The following PDE4B variants were observed in gnomAD, a reference collection of about 807,000 sequenced individuals.
PDE4B encodes the protein 3',5'-cyclic-AMP phosphodiesterase 4B.
Under a neutral mutation model 82.2 loss-of-function variants are expected in PDE4B, and 20 were observed. That is an observed-to-expected ratio of 0.24 (90% confidence interval 0.17 to 0.35). PDE4B has a LOEUF of 0.35. Among genes scored for constraint, PDE4B ranks in the 10% least tolerant of loss-of-function variants. The pLI, the probability that PDE4B is intolerant of heterozygous loss-of-function variation, is 1.00. For missense variants in PDE4B, 655 were observed against 907.2 expected (o/e 0.72, Z 3.57); for synonymous variants, 320 against 318.9 (o/e 1.00, Z -0.04).
chr1:66,071,085 T>A (rs918020258), intron 3 of PDE4B, among the ~76,000 whole-genome samples: 1 of 152,094 alleles, frequency 6.6e-6, no homozygotes, highest in Non-Finnish European at 1.5e-5. Flanking sequence ...AAGTTTAAAT[T>A]ATTGCTTTTA....
intron 1 of PDE4B, among the ~76,000 whole-genome samples, chr1:65,869,616 G>C (rs929882091): frequency 6.6e-6 from 1 of 151,906 alleles, no homozygotes; most frequent in Non-Finnish European, 1.5e-5. Flanking sequence ...ATTCAGGAGG[G>C]TTAGAATTCC....
intron 3 of PDE4B, among the ~76,000 whole-genome samples, chr1:66,110,155 C>A (rs1318602699): frequency 6.6e-6 from 1 of 151,554 alleles, no homozygotes; most frequent in African/African-American, 2.4e-5. Flanking sequence ...TAAAGAGGAA[C>A]CTGATTTTAA....
intron 3 of PDE4B, among the ~76,000 whole-genome samples, chr1:66,010,785 A>G (rs1652439861): frequency 6.8e-6 from 1 of 146,418 alleles, no homozygotes; most frequent in South Asian, 2.2e-4. Flanking sequence ...TCCTTGCTTC[A>G]ACAATATTGC....
intron 3 of PDE4B, among the ~76,000 whole-genome samples, chr1:66,200,561 C>T (rs1391793098): frequency 2.0e-5 from 3 of 152,100 alleles, no homozygotes; most frequent in Non-Finnish European, 4.4e-5. Context: ...AGGTCCTTCA[C>T]GTCCCTTGTA....
chr1:66,320,631 T>A (rs1198876154), intron 7 of PDE4B, among the ~76,000 whole-genome samples: 1 of 152,196 alleles, frequency 6.6e-6, no homozygotes. Context: ...CATGTCTACA[T>A]TTCAACTAAT....
chr1:66,079,188 C>CTT (rs1050244609), intron 3 of PDE4B, among the ~76,000 whole-genome samples: 3 of 148,656 alleles, frequency 2.0e-5, no homozygotes, highest in African/African-American at 7.6e-5. Flanking sequence ...CTCTCTCTCT[C>CTT]TCTCTCTCTC....
chr1:65,810,110 A>G (rs1444320618), intron 1 of PDE4B, among the ~76,000 whole-genome samples: 7 of 152,266 alleles, frequency 4.6e-5, no homozygotes, highest in Non-Finnish European at 1.0e-4. Context: ...AAGGACAGGC[A>G]GTGTATAGCT....
At chr1:65,850,456 G>T (rs537260173) in intron 1 of PDE4B, among the ~76,000 whole-genome samples, 1 of 152,174 alleles carries the variant, frequency 6.6e-6, no homozygotes, top group South Asian at 2.1e-4. Context: ...AGTGAACAAT[G>T]AAGTTATTGT....
intron 1 of PDE4B, among the ~76,000 whole-genome samples, chr1:65,912,711 T>C (rs1647109906): frequency 6.6e-6 from 1 of 152,206 alleles, no homozygotes. Context: ...TAAGGTTTTT[T>C]TCTTTCATGT....
At chr1:66,257,896 C>T (rs1457329565) in intron 6 of PDE4B, 33 bp downstream of exon 6, 2 of 1,512,870 alleles carry the variant, frequency 1.3e-6, no homozygotes, top group African/African-American at 1.4e-5. Flanking sequence ...AGTTTGAATC[C>T]CTAACATAAA....
At chr1:66,157,034 C>A (rs931018684) in intron 3 of PDE4B, among the ~76,000 whole-genome samples, 2 of 152,162 alleles carry the variant, frequency 1.3e-5, no homozygotes, top group Admixed American at 6.6e-5. Flanking sequence ...TAGCCAACAG[C>A]CTTCTTAACT....
chr1:65,955,214 A>G (rs1649194062), intron 3 of PDE4B, among the ~76,000 whole-genome samples: 1 of 152,064 alleles, frequency 6.6e-6, no homozygotes, highest in Admixed American at 6.6e-5. Context: ...CCGTCCATCC[A>G]TCTCAGATGT....
rs530082378 is a variant in PDE4B at position 66,119,746 on chromosome 1, T to C, written c.282-127714T>C. On this transcript the variant is annotated intron_variant, in intron 3 of 16. Coordinates refer to ENST00000341517, the MANE Select transcript of PDE4B (RefSeq NM_002600.4). ...TCCTAACTCCCAGTGAATGTTACCT[T>C]ATTCAGAAATAAGGGTCTTTGCAGA... Among the ~76,000 whole-genome samples, 6 of 152,326 alleles carry C rather than the reference T, an allele frequency of 3.9e-5. No individual in the cohort carries two copies. The South Asian group carries it at 1.2e-3, about 32-fold the overall frequency.
chr1:65,842,671 A>T (rs1226668544), intron 1 of PDE4B, among the ~76,000 whole-genome samples: 1 of 152,216 alleles, frequency 6.6e-6, no homozygotes, highest in Non-Finnish European at 1.5e-5. Flanking sequence ...CTGAACAGAT[A>T]AATACATGAA....
chr1:66,254,803 G>T (rs900265530), intron 4 of PDE4B, among the ~76,000 whole-genome samples: 4 of 152,132 alleles, frequency 2.6e-5, no homozygotes, highest in Admixed American at 2.0e-4. Flanking sequence ...CTCTCTTCAA[G>T]TTGTCTCATT....
At chr1:66,306,025 T>C (rs551887485) in intron 7 of PDE4B, among the ~76,000 whole-genome samples, 1 of 152,232 alleles carries the variant, frequency 6.6e-6, no homozygotes. Context: ...AAGCCTGATG[T>C]AGGCCTTGAT....
At chr1:65,979,794 G>A (rs935760628) in intron 3 of PDE4B, among the ~76,000 whole-genome samples, 40 of 152,296 alleles carry the variant, frequency 2.6e-4, no homozygotes, top group African/African-American at 9.4e-4. Context: ...TGCTTTAGGT[G>A]CTGGAGTTAC....
chr1:66,217,212 T>G (rs1650531819), intron 3 of PDE4B, among the ~76,000 whole-genome samples: 1 of 152,054 alleles, frequency 6.6e-6, no homozygotes, highest in African/African-American at 2.4e-5. Context: ...TCATTGTGTG[T>G]TTACCCCAGC....
chr1:66,166,870 TA>T (rs1232957024), intron 3 of PDE4B, among the ~76,000 whole-genome samples: 1 of 152,088 alleles, frequency 6.6e-6, no homozygotes, highest in Non-Finnish European at 1.5e-5. Context: ...CCACAGACCG[TA>T]ACTAACAAAT....
Sources: gnomAD v4.1 joint callset for allele counts (sites outside exome capture counted in the v4.1 genomes callset) on GRCh38, gnomAD v4.1.1 for gene constraint, MANE v1.5 for transcripts, NCBI Gene and HGNC (gene_info 2026-07-23, HGNC 2026-07-21) for gene names.